DIP2C: variants seen among roughly 807,000 people sequenced by gnomAD.
DIP2C encodes DIP2 acetate--CoA ligase C (putative), also known as disco-interacting protein 2 homolog C.
DIP2C carries 33 observed loss-of-function variants against 192.4 expected under a neutral mutation model. That is an observed-to-expected ratio of 0.17 (90% CI 0.13 to 0.23). The LOEUF (loss-of-function observed/expected upper bound fraction) is 0.23. Ranked by LOEUF, DIP2C falls within the 10% of genes least tolerant of loss-of-function variation. DIP2C has a pLI of 1.00. For missense variants in DIP2C, 1,537 were observed against 2,110.1 expected (o/e 0.73, Z 5.32); for synonymous variants, 979 against 864.1 (o/e 1.13, Z -2.33).
chr10:635,734 A>C (rs1056257470), intron 1 of DIP2C, among the ~76,000 whole-genome samples: 1 of 152,212 alleles, frequency 6.6e-6, no homozygotes, highest in African/African-American at 2.4e-5. Context: ...CTGGGCGCTC[A>C]GGCTGGAGGT....
At chr10:296,323 C>G (rs912192341) in intron 32 of DIP2C, among the ~76,000 whole-genome samples, 1 of 152,042 alleles carries the variant, frequency 6.6e-6, no homozygotes, top group African/African-American at 2.4e-5. Flanking sequence ...AAATGCAAAT[C>G]AAAACCACAA....
chr10:498,861 C>A (rs1286017748), intron 1 of DIP2C, among the ~76,000 whole-genome samples: 1 of 152,152 alleles, frequency 6.6e-6, no homozygotes, highest in African/African-American at 2.4e-5. Context: ...TTGAGTCCTG[C>A]CAGCTAATTA....
At chr10:674,346 CTG>C (rs1830780774) in intron 1 of DIP2C, among the ~76,000 whole-genome samples, 2 of 152,070 alleles carry the variant, frequency 1.3e-5, no homozygotes, top group Non-Finnish European at 2.9e-5. Flanking sequence ...AAGTTAAAAA[CTG>C]TAAAAAGGAG....
chr10:318,136 G>C (rs1415546183), intron 31 of DIP2C, among the ~76,000 whole-genome samples: 1 of 152,204 alleles, frequency 6.6e-6, no homozygotes, highest in African/African-American at 2.4e-5. Context: ...CAGTGATGCT[G>C]GATGGCGAAA....
chr10:653,720 C>T (rs1014707490), intron 1 of DIP2C, among the ~76,000 whole-genome samples: 4 of 152,226 alleles, frequency 2.6e-5, no homozygotes, highest in African/African-American at 9.6e-5. Flanking sequence ...GGGTGGGGAA[C>T]AGACGGCCCA....
intron 32 of DIP2C, among the ~76,000 whole-genome samples, chr10:289,602 T>C (rs1955372531): frequency 6.6e-6 from 1 of 152,092 alleles, no homozygotes; most frequent in Non-Finnish European, 1.5e-5. Flanking sequence ...GAACCCACTC[T>C]TATGCACTCG....
At chr10:500,020 G>T (rs969248510) in intron 1 of DIP2C, among the ~76,000 whole-genome samples, 1 of 152,206 alleles carries the variant, frequency 6.6e-6, no homozygotes, top group South Asian at 2.1e-4. Flanking sequence ...GATTTTGAAG[G>T]CAGACAGGGC....
At chr10:579,253 A>T (rs965178356) in intron 1 of DIP2C, among the ~76,000 whole-genome samples, 1 of 152,000 alleles carries the variant, frequency 6.6e-6, no homozygotes, top group African/African-American at 2.4e-5. Context: ...GTACACTAAC[A>T]TGTGTACATG....
At chr10:314,632 T>G (rs1956699645) in intron 31 of DIP2C, among the ~76,000 whole-genome samples, 1 of 152,216 alleles carries the variant, frequency 6.6e-6, no homozygotes, top group Admixed American at 6.5e-5. Flanking sequence ...AGGCTGGGTC[T>G]GGCGATACGA....
At chr10:605,563 T>C (rs892264676) in intron 1 of DIP2C, among the ~76,000 whole-genome samples, 5 of 152,166 alleles carry the variant, frequency 3.3e-5, no homozygotes, top group African/African-American at 1.2e-4. Context: ...GAAACTTTAT[T>C]TTCCCCATTT....
chr10:390,414 A>G (rs375781526), intron 11 of DIP2C, 41 bp from the exon 12 acceptor site: 1 of 1,581,518 alleles, frequency 6.3e-7, no homozygotes, highest in Non-Finnish European at 8.7e-7. Flanking sequence ...TGTTACTCTG[A>G]AAGTCGGTCT....
At chr10:606,418 A>T (rs1043180317) in intron 1 of DIP2C, among the ~76,000 whole-genome samples, 3 of 150,726 alleles carry the variant, frequency 2.0e-5, no homozygotes, top group Admixed American at 2.0e-4. Flanking sequence ...ACCTGCTGTG[A>T]TCCGAATTCT....
At chr10:565,255 A>G (rs1014056690) in intron 1 of DIP2C, among the ~76,000 whole-genome samples, 1 of 151,764 alleles carries the variant, frequency 6.6e-6, no homozygotes, top group African/African-American at 2.4e-5. Context: ...TTGTACATAC[A>G]CAGCATTTAA....
At chr10:384,221 T>C in intron 15 of DIP2C, 75 bp from the exon 16 acceptor site, 1 of 1,566,342 alleles carries the variant, frequency 6.4e-7, no homozygotes. Flanking sequence ...GAGATCATTG[T>C]GAGTAGTGGG....
At chr10:670,307 C>T (rs1830565733) in intron 1 of DIP2C, among the ~76,000 whole-genome samples, 5 of 152,154 alleles carry the variant, frequency 3.3e-5, no homozygotes, top group African/African-American at 1.2e-4. Context: ...CACATACGCA[C>T]ATACATGCAT....
chr10:302,953 G>A (rs115097660), intron 32 of DIP2C, among the ~76,000 whole-genome samples: 1,926 of 151,908 alleles, frequency 0.013, 41 homozygotes, highest in African/African-American at 0.044. Context: ...CACCTCACAC[G>A]GCTGTAGATT....
chr10:417,694 CTG>C (rs1965773802), intron 6 of DIP2C, among the ~76,000 whole-genome samples: 1 of 123,654 alleles, frequency 8.1e-6, no homozygotes, highest in African/African-American at 3.1e-5. Flanking sequence ...CCCTGTCCGC[CTG>C]TGCCTGTCGG....
intron 1 of DIP2C, among the ~76,000 whole-genome samples, chr10:494,188 A>G (rs897180252): frequency 2.6e-5 from 4 of 152,222 alleles, no homozygotes; most frequent in Non-Finnish European, 5.9e-5. Context: ...GAGAACTGCT[A>G]AGGCTATCAA....
chr10:579,909 GCATA>G (rs1406358798), intron 1 of DIP2C, among the ~76,000 whole-genome samples: 5 of 151,884 alleles, frequency 3.3e-5, no homozygotes, highest in Non-Finnish European at 7.4e-5. Context: ...CAATCTATAT[GCATA>G]CAATGTACAT....
Sources: allele counts gnomAD v4.1 joint callset (sites outside exome capture counted in the v4.1 genomes callset), GRCh38; gene constraint gnomAD v4.1.1; transcripts MANE v1.5; gene names NCBI Gene and HGNC (gene_info 2026-07-23, HGNC 2026-07-21).